TRMT9B: variants seen among roughly 807,000 people sequenced by gnomAD.
TRMT9B encodes the protein probable tRNA methyltransferase 9B.
Under a neutral mutation model 11.5 loss-of-function variants are expected in TRMT9B, and 16 were observed. The observed-to-expected ratio is 1.39, with a 90% CI of 0.94 to 2.11. The LOEUF is 2.11. Among genes scored for constraint, TRMT9B ranks in the 30% most tolerant of loss-of-function variants. The probability of loss-of-function intolerance (pLI) is 0.00; values close to 1 mark genes in which losing one functional copy is unlikely to be tolerated. For missense variants in TRMT9B, 941 were observed against 553.8 expected (o/e 1.70, Z -7.02); for synonymous variants, 274 against 192.4 (o/e 1.42, Z -3.51).
chr8:12,968,292 A>G (rs1803104890), intron 1 of TRMT9B, among the ~76,000 whole-genome samples: 1 of 152,172 alleles, frequency 6.6e-6, no homozygotes, highest in Admixed American at 6.5e-5. Flanking sequence ...GGCCTGTGTG[A>G]TGGGGATGAG....
chr8:13,021,031 C>T lies in TRMT9B; in HGVS notation c.352C>T (p.Gln118Ter), dbSNP rs572405094. ...AGTCATACATCATTTTTCTACAAAACAAAGAAGAATCAGAGCAATAAAAGA... is the reference window on the plus strand; with the variant it reads ...AGTCATACATCATTTTTCTACAAAATAAAGAAGAATCAGAGCAATAAAAGA... ...IGVIHHFSTK[Q>*]RRIRAIKEMA... The change falls in exon 5 of 5, where the codon CAA becomes TAA. Residue 118 changes from glutamine (Q) to a stop codon, truncating the protein, a stop_gained. Transcript: ENST00000524591. LOFTEE classifies it low-confidence loss of function (END_TRUNC). 7.7e-6 allele frequency: 12 copies of T among 1,559,144 alleles called. No homozygotes were observed. The South Asian group carries it at 1.3e-4, about 17-fold the overall frequency.
intron 1 of TRMT9B, chr8:12,960,120 C>G (rs1299579988): frequency 6.6e-6 from 1 of 152,142 alleles, no homozygotes; most frequent in Non-Finnish European, 1.5e-5. Context: ...AAAGTAATGT[C>G]CATGCCTCTG....
At chr8:12,986,899 G>T (rs1207979561) in intron 1 of TRMT9B, among the ~76,000 whole-genome samples, 3 of 151,886 alleles carry the variant, frequency 2.0e-5, no homozygotes, top group East Asian at 1.9e-4. Flanking sequence ...TGCCTTCATT[G>T]TGGACCCATC....
At chr8:12,952,220 A>G (rs1328650439) in intron 1 of TRMT9B, 4 of 449,438 alleles carry the variant, frequency 8.9e-6, no homozygotes, top group South Asian at 3.1e-5. Flanking sequence ...AGCACTGACA[A>G]TGGTCTGCAT....
intron 1 of TRMT9B, among the ~76,000 whole-genome samples, chr8:12,958,024 C>T (rs530764069): frequency 5.3e-4 from 80 of 152,116 alleles, no homozygotes; most frequent in African/African-American, 1.9e-3. Context: ...TATATTAGTC[C>T]GTTTTCACCC....
At chr8:12,987,484 A>G (rs1585218402) in intron 1 of TRMT9B, among the ~76,000 whole-genome samples, 1 of 152,166 alleles carries the variant, frequency 6.6e-6, no homozygotes, top group African/African-American at 2.4e-5. Context: ...TGAGCCCAGG[A>G]GTTTGAGACC....
At chr8:13,003,903 G>C (rs1375103957) in intron 2 of TRMT9B, among the ~76,000 whole-genome samples, 1 of 150,612 alleles carries the variant, frequency 6.6e-6, no homozygotes, top group Non-Finnish European at 1.5e-5. Flanking sequence ...CACAGAAGAG[G>C]GTGAGCAAGA....
chr8:12,946,924 T>C (rs570445730), intron 1 of TRMT9B, among the ~76,000 whole-genome samples: 1 of 152,298 alleles, frequency 6.6e-6, no homozygotes, highest in African/African-American at 2.4e-5. Flanking sequence ...GTGGAAGATA[T>C]CAGTTCCTTG....
At chr8:12,981,098 C>G (rs1805298226) in intron 1 of TRMT9B, among the ~76,000 whole-genome samples, 1 of 151,998 alleles carries the variant, frequency 6.6e-6, no homozygotes, top group Non-Finnish European at 1.5e-5. Flanking sequence ...TCTTTGATCA[C>G]TGCAAGAGTT....
intron 1 of TRMT9B, among the ~76,000 whole-genome samples, chr8:12,966,215 C>G (rs1337831142): frequency 6.6e-6 from 1 of 151,994 alleles, no homozygotes; most frequent in Admixed American, 6.6e-5. Flanking sequence ...TACCTCTGGT[C>G]CCAGCTACTC....
At chr8:12,977,348 T>A (rs1448759579) in intron 1 of TRMT9B, among the ~76,000 whole-genome samples, 2 of 152,176 alleles carry the variant, frequency 1.3e-5, no homozygotes, top group Admixed American at 6.5e-5. Flanking sequence ...ACGACCCCAG[T>A]GGAGCAAGCC....
chr8:12,962,209 T>A (rs545921312), intron 1 of TRMT9B: 1 of 152,456 alleles, frequency 6.6e-6, no homozygotes, highest in Non-Finnish European at 1.5e-5. Flanking sequence ...TAGGACACCA[T>A]CATAACTATG....
intron 1 of TRMT9B, among the ~76,000 whole-genome samples, chr8:12,967,655 A>G (rs557887665): frequency 3.9e-4 from 60 of 152,136 alleles, no homozygotes; most frequent in African/African-American, 1.4e-3. Context: ...TGAGTTTTCA[A>G]TTTTTCTTTT....
At chr8:12,991,450 C>T (rs150551131) in intron 2 of TRMT9B, among the ~76,000 whole-genome samples, 50 of 152,208 alleles carry the variant, frequency 3.3e-4, no homozygotes, top group South Asian at 6.2e-4. Flanking sequence ...TTTAACTGTT[C>T]GGACCAACTT....
chr8:12,977,769 C>A (rs1563346233), intron 1 of TRMT9B, among the ~76,000 whole-genome samples: 1 of 151,904 alleles, frequency 6.6e-6, no homozygotes, highest in South Asian at 2.1e-4. Context: ...AATCTCAACA[C>A]TTTGGGAGGC....
intron 1 of TRMT9B, among the ~76,000 whole-genome samples, chr8:12,947,343 A>T (rs1021170433): frequency 6.6e-6 from 1 of 152,200 alleles, no homozygotes; most frequent in African/African-American, 2.4e-5. Flanking sequence ...TTATGCATCA[A>T]GATGTTATCA....
At position 13,021,715 on chromosome 8, in the gene TRMT9B, G is replaced by A. The variant is rs542768986; in HGVS notation, c.1036G>A (p.Gly346Arg). Residue 346 changes from glycine (G) to arginine (R), a missense_variant, in exon 5 of 5, where the codon GGG (glycine) becomes AGG (arginine). By Grantham distance (125) the Gly-to-Arg change is moderately radical. Coordinates refer to ENST00000524591, the MANE Select transcript of TRMT9B (RefSeq NM_020844.3). ...TCAAGGGGAAATGAGGAGAAATGGA[G>A]GGGGAAATTTTCTGGATAGCACTAA... ...DHQGEMRRNG[G>R]GNFLDSTNTG... 52 of 1,613,904 alleles carry A rather than the reference G, an allele frequency of 3.2e-5. No homozygotes were observed. In the East Asian group the frequency reaches 1.1e-3, roughly 35 times the overall value.
chr8:13,011,432 A>T, intron 3 of TRMT9B: 1 of 985,464 alleles, frequency 1.0e-6, no homozygotes, highest in Non-Finnish European at 1.2e-6. Flanking sequence ...GCAGCAAACT[A>T]ATCATCTTTG....
At chr8:12,979,994 G>T (rs114545245) in intron 1 of TRMT9B, among the ~76,000 whole-genome samples, 1 of 152,122 alleles carries the variant, frequency 6.6e-6, no homozygotes, top group African/African-American at 2.4e-5. Context: ...GCCTTTGAAT[G>T]ACCCGTTTTG....
Sources: gnomAD v4.1 joint callset for allele counts (sites outside exome capture counted in the v4.1 genomes callset) on GRCh38, gnomAD v4.1.1 for gene constraint, MANE v1.5 for transcripts, NCBI Gene and HGNC (gene_info 2026-07-23, HGNC 2026-07-21) for gene names.